Variants in HELLS observed in about 807,000 individuals in gnomAD.
HELLS encodes the protein helicase, lymphoid specific, also known as lymphoid-specific helicase.
A neutral mutation model predicts 120.0 loss-of-function variants in HELLS; 32 were observed. The observed-to-expected ratio is 0.27, with a 90% CI of 0.20 to 0.36. The LOEUF (loss-of-function observed/expected upper bound fraction) is 0.36. Among genes scored for constraint, HELLS ranks in the 10% least tolerant of loss-of-function variants. HELLS has a pLI of 1.00. For synonymous variants in HELLS, 341 were observed against 323.4 expected, an observed-to-expected ratio of 1.05 and a Z score of -0.58; for missense variants, 650 against 993.4, an observed-to-expected ratio of 0.65 and a Z score of 4.65.
At chr10:94,576,575 T>G in intron 9 of HELLS, 87 bp from the exon 10 acceptor site, 1 of 674,768 alleles carries the variant, frequency 1.5e-6, no homozygotes, top group Non-Finnish European at 2.2e-6. Context: ...ATTATATTTT[T>G]TCCCTCAGAA....
intron 6 of HELLS, among the ~76,000 whole-genome samples, chr10:94,567,268 C>G (rs1369810580): frequency 1.3e-5 from 2 of 152,084 alleles, no homozygotes; most frequent in East Asian, 3.9e-4. Flanking sequence ...TTGATCCAGT[C>G]TTTCTAGATT....
chr10:94,558,106 C>G, intron 3 of HELLS, 33 bp from the exon 4 acceptor site: 2 of 1,546,404 alleles, frequency 1.3e-6, no homozygotes, highest in South Asian at 2.6e-5. Context: ...GTTGCACTTT[C>G]CACTTGTGAC....
At chr10:94,601,038 C>T (rs1184375719) in intron 21 of HELLS, among the ~76,000 whole-genome samples, 3 of 152,028 alleles carry the variant, frequency 2.0e-5, no homozygotes, top group South Asian at 4.1e-4. Context: ...ATCAGTAATA[C>T]AAATGAAAAT....
intron 9 of HELLS, among the ~76,000 whole-genome samples, chr10:94,609,100 T>A (rs761640660): frequency 1.7e-4 from 25 of 145,036 alleles, no homozygotes; most frequent in Admixed American, 5.0e-4. Context: ...CTTGGCTCAT[T>A]GCAACTTCCA....
At chr10:94,594,165 G>A (rs1191138980) in intron 18 of HELLS, among the ~76,000 whole-genome samples, 6 of 151,938 alleles carry the variant, frequency 3.9e-5, no homozygotes, top group Non-Finnish European at 8.8e-5. Context: ...TCTTCATAAA[G>A]TTTTTTGCAA....
intron 12 of HELLS, among the ~76,000 whole-genome samples, chr10:94,587,373 A>G (rs1265396239): frequency 1.3e-5 from 2 of 152,168 alleles, no homozygotes; most frequent in East Asian, 1.9e-4. Flanking sequence ...TGGGGTATCC[A>G]TCCCTTCAAG....
intron 2 of HELLS, among the ~76,000 whole-genome samples, chr10:94,551,940 C>T (rs1011522702): frequency 6.6e-6 from 1 of 152,056 alleles, no homozygotes; most frequent in East Asian, 1.9e-4. Context: ...AGGGTTTCAC[C>T]GTGTTAGCCA....
intron 11 of HELLS, 22 bp downstream of exon 11, chr10:94,581,544 T>C (rs764272708): frequency 4.9e-5 from 75 of 1,517,392 alleles, no homozygotes; most frequent in Non-Finnish European, 6.4e-5. Flanking sequence ...AGTTATTTAA[T>C]GATTTAACCT....
At chr10:94,555,978 G>C (rs376347775) in intron 3 of HELLS, among the ~76,000 whole-genome samples, 1 of 152,136 alleles carries the variant, frequency 6.6e-6, no homozygotes, top group East Asian at 1.9e-4. Context: ...TTTGAGTTCT[G>C]TAAGCTCCTC....
intron 6 of HELLS, among the ~76,000 whole-genome samples, chr10:94,569,029 G>A (rs770570052): frequency 6.6e-6 from 1 of 151,912 alleles, no homozygotes; most frequent in Non-Finnish European, 1.5e-5. Flanking sequence ...TATCAGAGAT[G>A]GGGTTTCTCC....
chr10:94,558,071 A>C lies in HELLS; in HGVS notation c.277-68A>C, dbSNP rs951554817. 3.3e-6 allele frequency: 5 copies of C among 1,515,510 alleles called. No individual in the cohort carries two copies. In the African/African-American group the frequency reaches 7.1e-5, roughly 22 times the overall value. The allele number at this position is 1,515,510 out of a possible 1,614,324, so 93.9% of individuals were successfully genotyped here. A position where few individuals can be genotyped will look rare whatever the true frequency, so the allele number is the denominator to read the frequency against. ...CATTGTAAACATAAGTTATTTGAGAATTGATATGCGTTTTTTTTTTAAATG... is the reference window on the plus strand; with the variant it reads ...CATTGTAAACATAAGTTATTTGAGACTTGATATGCGTTTTTTTTTTAAATG... On this transcript the variant is annotated intron_variant, in intron 3 of 21. Transcript: ENST00000348459.
rs544714916 is a variant in HELLS at position 94,601,720 on chromosome 10, T to C, written c.*98T>C. On this transcript the variant is annotated 3_prime_UTR_variant, in exon 22 of 22. Transcript: ENST00000348459. Reference sequence around the variant, plus strand: ...CTGATTGTCCACTTCACCTTTTTTATTATATCAGTTGACATGTAACTAGTA... The same window carrying C: ...CTGATTGTCCACTTCACCTTTTTTACTATATCAGTTGACATGTAACTAGTA... 1.6e-6 allele frequency: 1 copy of C among 622,488 alleles called. No individual in the cohort carries two copies. The highest frequency in any genetic ancestry group is 1.9e-5 in the African/African-American group (1 of 54,024). The allele number at this position is 622,488 out of a possible 1,614,324, so 38.6% of individuals were successfully genotyped here.
intron 12 of HELLS, 47 bp from the exon 13 acceptor site, chr10:94,588,182 C>G (rs1442885038): frequency 8.4e-7 from 1 of 1,188,904 alleles, no homozygotes; most frequent in East Asian, 2.5e-5. Context: ...CCTTGAAAAA[C>G]AAGAATGTTT....
chr10:94,587,931 TA>T (rs2134098709), intron 12 of HELLS, among the ~76,000 whole-genome samples: 1 of 152,330 alleles, frequency 6.6e-6, no homozygotes, highest in South Asian at 2.1e-4. Flanking sequence ...TTGTGGGCTA[TA>T]ACTGAAACTT....
chr10:94,579,869 A>G (rs1425550990), intron 10 of HELLS, among the ~76,000 whole-genome samples: 1 of 152,026 alleles, frequency 6.6e-6, no homozygotes, highest in Admixed American at 6.6e-5. Flanking sequence ...CCCTTCCTGT[A>G]ATGAAATAGT....
intron 21 of HELLS, among the ~76,000 whole-genome samples, chr10:94,598,675 A>G (rs1397013477): frequency 1.4e-5 from 2 of 146,668 alleles, no homozygotes; most frequent in African/African-American, 5.1e-5. Context: ...CTGTCTCTTC[A>G]CTTACTTACT....
chr10:94,582,444 C>A (rs541732913), intron 11 of HELLS, among the ~76,000 whole-genome samples: 2 of 152,110 alleles, frequency 1.3e-5, no homozygotes, highest in African/African-American at 4.8e-5. Flanking sequence ...TATAATGTTA[C>A]CTATTCTATA....
intron 2 of HELLS, among the ~76,000 whole-genome samples, chr10:94,553,838 G>A (rs1484618401): frequency 6.6e-6 from 1 of 152,082 alleles, no homozygotes; most frequent in African/African-American, 2.4e-5. Context: ...GTGAGTCACC[G>A]CACCCGGCCT....
rs1364597760 is a variant in HELLS at position 94,585,359 on chromosome 10, TTTG to T, written c.1326+2303_1326+2305del. ...AAAGTATAACTAATAGTTTTTTTGT[TTTG>T]TTTTTTTTTTTTGTTTGTTTTTGTT... On this transcript the variant is annotated intron_variant, in intron 12 of 21. Transcript: ENST00000348459. 3.9e-3 allele frequency among the ~76,000 whole-genome samples: 431 copies of T among 111,728 alleles called. 2 individuals are homozygous for T. Among genetic ancestry groups the T allele is most frequent in the African/African-American group, 0.015 (418 of 27,360 alleles). 73.3% of individuals were successfully genotyped at this position (111,728 alleles called of 152,430 possible).
Sources: gnomAD v4.1 joint callset for allele counts (sites outside exome capture counted in the v4.1 genomes callset) on GRCh38, gnomAD v4.1.1 for gene constraint, MANE v1.5 for transcripts, NCBI Gene and HGNC (gene_info 2026-07-23, HGNC 2026-07-21) for gene names.